SLC39A14: variants seen among roughly 807,000 people sequenced by gnomAD.
SLC39A14 encodes the protein metal cation symporter ZIP14.
In SLC39A14, 19 loss-of-function variants were observed where a neutral mutation model predicts 45.5. The ratio of observed to expected loss-of-function variants is 0.42; its 90% CI spans 0.29 to 0.61. SLC39A14 has a LOEUF of 0.61. Ranked by LOEUF, SLC39A14 falls within the 20% of genes least tolerant of loss-of-function variation. The pLI, the probability that SLC39A14 is intolerant of heterozygous loss-of-function variation, is 0.22. For missense variants in SLC39A14, 447 were observed against 616.5 expected, an observed-to-expected ratio of 0.73 and a Z score of 2.91; for synonymous variants, 264 against 251.3, an observed-to-expected ratio of 1.05 and a Z score of -0.48.
At chr8:22,405,948 G>C (rs1030754093) in intron 2 of SLC39A14, among the ~76,000 whole-genome samples, 1 of 152,200 alleles carries the variant, frequency 6.6e-6, no homozygotes, top group African/African-American at 2.4e-5. Context: ...TCATATTTAG[G>C]GAGTTGACTG....
intron 1 of SLC39A14, among the ~76,000 whole-genome samples, chr8:22,370,251 TTCC>T (rs1832856629): frequency 6.6e-6 from 1 of 152,198 alleles, no homozygotes; most frequent in Non-Finnish European, 1.5e-5. Context: ...GCTTACCTTC[TTCC>T]TCCTTCCTTA....
intron 3 of SLC39A14, 98 bp downstream of exon 3, chr8:22,408,594 C>G: frequency 8.9e-7 from 1 of 1,128,868 alleles, no homozygotes; most frequent in Non-Finnish European, 1.2e-6. Flanking sequence ...CTGAATGCCT[C>G]ACCAGTGATG....
chr8:22,393,777 T>A (rs1166723301), intron 1 of SLC39A14, among the ~76,000 whole-genome samples: 1 of 152,024 alleles, frequency 6.6e-6, no homozygotes, highest in East Asian at 1.9e-4. Context: ...GCTCAAGCAG[T>A]CCTCCCACCT....
intron 1 of SLC39A14, among the ~76,000 whole-genome samples, chr8:22,383,719 G>A (rs1295724367): frequency 6.6e-6 from 1 of 152,128 alleles, no homozygotes; most frequent in Non-Finnish European, 1.5e-5. Context: ...CCCTGCCTCC[G>A]CCCTTCTCTC....
chr8:22,419,124 T>C (rs1836067083), intron 8 of SLC39A14, among the ~76,000 whole-genome samples: 1 of 152,220 alleles, frequency 6.6e-6, no homozygotes, highest in African/African-American at 2.4e-5. Context: ...ACACGTTGAG[T>C]ACTTTGTTTT....
intron 8 of SLC39A14, among the ~76,000 whole-genome samples, chr8:22,432,471 TCTC>T (rs1836481552): frequency 6.6e-6 from 1 of 151,560 alleles, no homozygotes; most frequent in African/African-American, 2.4e-5. Context: ...TCTCTCTCTC[TCTC>T]TTTTTCTCTC....
chr8:22,426,901 T>C (rs1836396236), downstream of SLC39A14, among the ~76,000 whole-genome samples: 1 of 151,826 alleles, frequency 6.6e-6, no homozygotes, highest in Non-Finnish European at 1.5e-5. Context: ...GCCAGGCTGG[T>C]CTTGAATTCC....
At chr8:22,389,579 G>A (rs959820703) in intron 1 of SLC39A14, among the ~76,000 whole-genome samples, 1 of 152,092 alleles carries the variant, frequency 6.6e-6, no homozygotes, top group African/African-American at 2.4e-5. Context: ...CGCTACTGCT[G>A]CACAGGTGCT....
chr8:22,415,613 C>G, intron 5 of SLC39A14, 156 bp from the exon 6 acceptor site: 1 of 660,638 alleles, frequency 1.5e-6, no homozygotes, highest in South Asian at 2.2e-5. Flanking sequence ...TATATAATAG[C>G]TTTTGCTATG....
rs1227739006 is a variant in SLC39A14, at chr8:22,396,292, G to A, written c.-15-8404G>A. Among the ~76,000 whole-genome samples the A allele has an allele frequency of 4.0e-5, 6 of 149,990 alleles. No homozygotes were observed. The South Asian group carries it at 1.1e-3, about 27-fold the overall frequency. ...CGAGGCAGGAGAATCGCTTGAACCCGGGAGGCGGAGGTTACGGTGAGCCGA... is the reference window on the plus strand; with the variant it reads ...CGAGGCAGGAGAATCGCTTGAACCCAGGAGGCGGAGGTTACGGTGAGCCGA... On this transcript the variant is annotated intron_variant, in intron 1 of 8. Coordinates refer to ENST00000381237, the MANE Select transcript of SLC39A14 (RefSeq NM_001128431.4).
intron 1 of SLC39A14, among the ~76,000 whole-genome samples, chr8:22,373,764 CGTT>C (rs1833055778): frequency 1.4e-5 from 2 of 145,188 alleles, no homozygotes; most frequent in Non-Finnish European, 3.0e-5. Flanking sequence ...TTTGTTTTCT[CGTT>C]TTTTTTTTTT....
In SLC39A14 at chr8:22,414,909, C is replaced by T; in HGVS notation, c.750+7C>T. On this transcript the variant is annotated splice_region_variant and intron_variant, in intron 5 of 8. Coordinates refer to ENST00000381237, the MANE Select transcript of SLC39A14 (RefSeq NM_001128431.4). ...TCTTAAGCAGAAAAATGAGGTGAGG[C>T]CCAATTGTTGCTGAAGAAAGCTCTT... is the stretch of plus-strand genomic sequence containing the variant. 1 of 1,609,826 alleles carries T rather than the reference C, an allele frequency of 6.2e-7. No individual in the cohort carries two copies.
chr8:22,381,452 A>G (rs1833508199), intron 1 of SLC39A14, among the ~76,000 whole-genome samples: 1 of 151,046 alleles, frequency 6.6e-6, no homozygotes, highest in Non-Finnish European at 1.5e-5. Flanking sequence ...TTGTATTTTT[A>G]GTAGAGATGG....
intron 4 of SLC39A14, among the ~76,000 whole-genome samples, chr8:22,413,470 C>T (rs900784488): frequency 5.9e-5 from 9 of 152,140 alleles, no homozygotes; most frequent in Non-Finnish European, 1.2e-4. Context: ...GAGAAGTGTT[C>T]GTTGCCTATT....
chr8:22,380,485 T>C (rs575669202), intron 1 of SLC39A14, among the ~76,000 whole-genome samples: 149 of 152,192 alleles, frequency 9.8e-4, no homozygotes, highest in African/African-American at 3.4e-3. Context: ...ACCCAGAAAG[T>C]TGTGATTCAG....
chr8:22,399,006 C>A (rs149654825), intron 1 of SLC39A14, among the ~76,000 whole-genome samples: 9 of 152,336 alleles, frequency 5.9e-5, no homozygotes, highest in South Asian at 2.1e-4. Flanking sequence ...CAGAGAGACT[C>A]CAGCCCCTCT....
chr8:22,379,927 CAAAAAAAA>C (rs35093772), intron 1 of SLC39A14, among the ~76,000 whole-genome samples: 1 of 87,960 alleles, frequency 1.1e-5, no homozygotes, highest in Non-Finnish European at 2.4e-5. Context: ...GACTCCATCT[CAAAAAAAA>C]AAAAAAAAAA....
intron 1 of SLC39A14, among the ~76,000 whole-genome samples, chr8:22,400,051 T>C (rs138161641): frequency 6.6e-6 from 1 of 152,304 alleles, no homozygotes; most frequent in Non-Finnish European, 1.5e-5. Context: ...AAGATTTGGA[T>C]GCTTGTTGGG....
chr8:22,407,607 C>T (rs546928205), intron 2 of SLC39A14, among the ~76,000 whole-genome samples: 1 of 152,070 alleles, frequency 6.6e-6, no homozygotes, highest in South Asian at 2.1e-4. Context: ...GTGATCTGCC[C>T]ATCTGAGTCT....
Sources: allele counts gnomAD v4.1 joint callset (sites outside exome capture counted in the v4.1 genomes callset), GRCh38; gene constraint gnomAD v4.1.1; transcripts MANE v1.5; gene names NCBI Gene and HGNC (gene_info 2026-07-23, HGNC 2026-07-21).